Variants in CHM observed in about 807,000 individuals in gnomAD.
The protein encoded by CHM is rab proteins geranylgeranyltransferase component A 1.
CHM carries 10 observed loss-of-function variants against 49.0 expected under a neutral mutation model. The observed-to-expected ratio is 0.20, with a 90% CI of 0.13 to 0.35. The LOEUF (loss-of-function observed/expected upper bound fraction) is 0.35. Among genes scored for constraint, CHM ranks in the 10% least tolerant of loss-of-function variants. The pLI is 1.00. For synonymous variants in CHM, 184 were observed against 167.5 expected (o/e 1.10, Z -0.76); for missense variants, 455 against 478.4 (o/e 0.95, Z 0.46).
At chrX:85,924,207 G>A (rs1032880029) in intron 8 of CHM, among the ~76,000 whole-genome samples, 3 of 111,123 alleles carry the variant, frequency 2.7e-5, no homozygotes, top group African/African-American at 9.8e-5. Flanking sequence ...AGTGAAAGAG[G>A]GGAGGCCAGT....
At chrX:85,888,973 A>G (rs753016521) in intron 12 of CHM, among the ~76,000 whole-genome samples, 27 of 112,341 alleles carry the variant, frequency 2.4e-4, no homozygotes, top group Non-Finnish European at 4.7e-4. Context: ...GCATGCCCAT[A>G]CAAAGAAAAA....
intron 14 of CHM, among the ~76,000 whole-genome samples, chrX:85,871,035 G>A (rs1189220714): frequency 8.2e-5 from 9 of 110,050 alleles, no homozygotes; most frequent in South Asian, 3.9e-4. Context: ...AAATCGGGCC[G>A]GGTGTGGTGG....
At chrX:86,042,481 G>A (rs916797615) in intron 1 of CHM, among the ~76,000 whole-genome samples, 1 of 110,206 alleles carries the variant, frequency 9.1e-6, no homozygotes, top group African/African-American at 3.3e-5. Flanking sequence ...CTCCCTTGGT[G>A]AGAGGCAAGG....
intron 9 of CHM, among the ~76,000 whole-genome samples, chrX:85,909,929 A>T (rs1298252089): frequency 8.9e-6 from 1 of 111,980 alleles, no homozygotes; most frequent in Non-Finnish European, 1.9e-5. Flanking sequence ...AAGTCTAAAG[A>T]CAACTATTCC....
At chrX:85,868,019 C>CTGTGTGTG (rs36027427) in intron 14 of CHM, among the ~76,000 whole-genome samples, 243 of 95,802 alleles carry the variant, frequency 2.5e-3, no homozygotes, top group Middle Eastern at 5.2e-3. Context: ...ATAGTTACCA[C>CTGTGTGTG]TGTGTGTGTG....
chrX:85,993,326 A>G (rs915392507), intron 2 of CHM, among the ~76,000 whole-genome samples: 2 of 109,562 alleles, frequency 1.8e-5, no homozygotes, highest in Admixed American at 2.0e-4. Flanking sequence ...CTATCCTGAG[A>G]AAAAAAAAAT....
intron 2 of CHM, among the ~76,000 whole-genome samples, chrX:85,987,230 A>G (rs746166474): frequency 8.9e-6 from 1 of 112,530 alleles, no homozygotes; most frequent in Admixed American, 9.4e-5. Flanking sequence ...AACAACTTGG[A>G]AAACATATTT....
At chrX:85,980,470 G>A (rs1203422073) in intron 3 of CHM, among the ~76,000 whole-genome samples, 1 of 111,902 alleles carries the variant, frequency 8.9e-6, no homozygotes, top group Non-Finnish European at 1.9e-5. Context: ...CAGTGTCTTT[G>A]TCATCATGAG....
At chrX:85,998,892 T>C (rs1449860005) in intron 2 of CHM, among the ~76,000 whole-genome samples, 2 of 111,881 alleles carry the variant, frequency 1.8e-5, no homozygotes, top group African/African-American at 6.5e-5. Flanking sequence ...ATGTATATCT[T>C]ACATGTATGT....
intron 5 of CHM, among the ~76,000 whole-genome samples, chrX:85,961,648 T>A (rs1930303018): frequency 9.1e-6 from 1 of 110,343 alleles, no homozygotes; most frequent in African/African-American, 3.3e-5. Context: ...TAATCTCCTG[T>A]ATTACTATGG....
chrX:86,038,108 G>A (rs1603286411), intron 1 of CHM, among the ~76,000 whole-genome samples: 1 of 111,739 alleles, frequency 8.9e-6, no homozygotes, highest in Non-Finnish European at 1.9e-5. Flanking sequence ...AGTCAAGTTG[G>A]GAATTGTGTT....
chrX:85,889,252 G>T lies in CHM; in HGVS notation c.1510+4936C>A, dbSNP rs186950419. Among the ~76,000 whole-genome samples the T allele has an allele frequency of 6.2e-5, 7 of 112,078 alleles. No individual in the cohort carries two copies. The East Asian group carries it at 2.0e-3, about 32-fold the overall frequency. On this transcript the variant is annotated intron_variant, in intron 12 of 14. Transcript: ENST00000357749. ...ACTAAAGAGCATGTACCCAGCAAAA[G>T]AAATTATCAACAGAGTGAACAAACA...
At chrX:85,901,243 GA>G in intron 9 of CHM, 55 bp from the exon 10 acceptor site, 1 of 762,504 alleles carries the variant, frequency 1.3e-6, no homozygotes, top group Non-Finnish European at 1.9e-6. Context: ...AAATAATTGA[GA>G]AAATGTAATC....
At chrX:85,943,885 A>AT (rs1929263095) in intron 8 of CHM, among the ~76,000 whole-genome samples, 1 of 110,899 alleles carries the variant, frequency 9.0e-6, no homozygotes, top group Non-Finnish European at 1.9e-5. Flanking sequence ...ATCAACTTTA[A>AT]TTTTTTTTGT....
intron 1 of CHM, among the ~76,000 whole-genome samples, chrX:86,045,765 C>A (rs893208957): frequency 7.2e-5 from 8 of 110,700 alleles, no homozygotes; most frequent in African/African-American, 2.6e-4. Context: ...AAAATTTGAA[C>A]CCAGACCTGA....
At chrX:85,917,475 A>T (rs890859993) in intron 8 of CHM, among the ~76,000 whole-genome samples, 1 of 111,890 alleles carries the variant, frequency 8.9e-6, no homozygotes, top group African/African-American at 3.3e-5. Flanking sequence ...AAAAAAACAA[A>T]CAAAATACAA....
chrX:86,042,583 C>G (rs1018533463), intron 1 of CHM, among the ~76,000 whole-genome samples: 1 of 109,649 alleles, frequency 9.1e-6, no homozygotes, highest in Non-Finnish European at 1.9e-5. Context: ...TTTGGGCCAC[C>G]AAGGCAGGTA....
At chrX:85,877,878 A>G (rs191167785) in intron 13 of CHM, among the ~76,000 whole-genome samples, 1 of 111,998 alleles carries the variant, frequency 8.9e-6, no homozygotes, top group African/African-American at 3.2e-5. Context: ...ATGAGTAAAT[A>G]AATGGTTGCA....
intron 2 of CHM, chrX:86,027,229 C>T (rs1267791819): frequency 3.0e-6 from 1 of 336,215 alleles, no homozygotes; most frequent in Non-Finnish European, 5.2e-6. Flanking sequence ...TTATTTTAAA[C>T]AAAATCACTC....
Sources: allele counts gnomAD v4.1 joint callset (sites outside exome capture counted in the v4.1 genomes callset), GRCh38; gene constraint gnomAD v4.1.1; transcripts MANE v1.5; gene names NCBI Gene and HGNC (gene_info 2026-07-23, HGNC 2026-07-21).